Variants in ATG2A observed in about 807,000 individuals in gnomAD.
The protein encoded by ATG2A is autophagy related 2A.
In ATG2A, 103 loss-of-function variants were observed where a neutral mutation model predicts 214.2. The ratio of observed to expected loss-of-function variants is 0.48; its 90% CI spans 0.41 to 0.57. The LOEUF is 0.57. Among genes scored for constraint, ATG2A ranks in the 20% least tolerant of loss-of-function variants. The pLI is 0.00. For missense variants in ATG2A, 2,312 were observed against 2,613.2 expected, an observed-to-expected ratio of 0.88 and a Z score of 2.51; for synonymous variants, 1,160 against 1,142.1, an observed-to-expected ratio of 1.02 and a Z score of -0.32.
At chr11:64,901,182 ATT>A (rs772328100) in intron 29 of ATG2A, 90 bp from the exon 30 acceptor site, 1,658 of 1,105,930 alleles carry the variant, frequency 1.5e-3, no homozygotes, top group Non-Finnish European at 1.6e-3. Flanking sequence ...CTTCTTTTTC[ATT>A]TTTTTTTTTT....
chr11:64,896,496 A>G lies in ATG2A; in HGVS notation c.5393T>C (p.Leu1798Pro). 6.2e-7 allele frequency: 1 copy of G among 1,613,838 alleles called. No individual in the cohort carries two copies. Among genetic ancestry groups the G allele is most frequent in the Non-Finnish European group, 8.5e-7 (1 of 1,179,860 alleles). ...SFGSSTASAA[L>P]ELSNRLVQAI... ...CTGTACCAACCGGTTGCTGAGTTCC[A>G]GGGCGGCAGAGGCTGTGGATGAGCC... is the stretch of plus-strand genomic sequence containing the variant. Residue 1798 changes from leucine (L) to proline (P), a missense_variant, in exon 39 of 41, where the codon CTG becomes CCG. Physicochemically the swap from Leu to Pro is moderately conservative, Grantham distance 98. Transcript: ENST00000377264.
Position 64,905,045 on chromosome 11 carries a change from G to A in ATG2A, c.3464+518C>T, listed in dbSNP as rs1433254431. Among the ~76,000 whole-genome samples, 6 of 152,068 alleles carry A rather than the reference G, an allele frequency of 3.9e-5. No homozygotes were observed. The East Asian group carries it at 7.7e-4, about 20-fold the overall frequency. ...TCATTTTTGTATTTTTAGTAGAGAC[G>A]GGGTTTCACCATATTGGCCAGGCTG... On this transcript the variant is annotated intron_variant, in intron 24 of 40. Transcript: ENST00000377264.
rs747579646 is a variant in ATG2A at position 64,894,877 on chromosome 11, C to T, written c.*96G>A. The T allele has an allele frequency of 6.8e-7, 1 of 1,462,750 alleles. No homozygotes were observed. The highest frequency in any genetic ancestry group is 9.5e-7 in the Non-Finnish European group (1 of 1,054,066). 90.6% of individuals were successfully genotyped at this position (1,462,750 alleles called of 1,614,324 possible). A position where few individuals can be genotyped will look rare whatever the true frequency, so the allele number is the denominator to read the frequency against. The stretch of plus-strand genomic sequence containing the variant: ...AGGCGTCCTTCACAGTGGCCATCCC[C>T]TGAAGGGCCAGGCCGGGCCGGGCCC... On this transcript the variant is annotated 3_prime_UTR_variant, in exon 41 of 41. Transcript: ENST00000377264.
In ATG2A at chr11:64,916,976, G is replaced by T. The variant is rs1272734103; in HGVS notation, c.160C>A (p.Leu54Met). The change falls in exon 1 of 41, where the codon CTG becomes ATG. Residue 54 changes from leucine to methionine, a missense_variant. Leu to Met is a conservative substitution (Grantham distance 15, BLOSUM62 2). Transcript: ENST00000377264. ...GCCTGGCTCCTCACCCAGATTTCCA[G>T]GTGGATGTCTCGCAGGGCAACGCTG... is the stretch of plus-strand genomic sequence containing the variant. ...KGSVALRDIH[L>M]EIWSVNEVLE... is the part of the protein sequence containing the mutation. 6.2e-7 allele frequency: 1 copy of T among 1,613,344 alleles called. No homozygotes were observed. The highest frequency in any genetic ancestry group is 1.7e-5 in the Admixed American group (1 of 60,004).
chr11:64,905,181 A>C (rs1052335289), intron 24 of ATG2A, among the ~76,000 whole-genome samples: 4 of 152,208 alleles, frequency 2.6e-5, no homozygotes, highest in African/African-American at 4.8e-5. Context: ...GGGATTCTTC[A>C]GCTTCACCTT....
At chr11:64,915,142 C>CA (rs1170241421) in intron 1 of ATG2A, among the ~76,000 whole-genome samples, 3 of 100,436 alleles carry the variant, frequency 3.0e-5, no homozygotes, top group African/African-American at 1.2e-4. Flanking sequence ...ACCCCCCCCC[C>CA]CCACCACCAA....
Position 64,900,911 on chromosome 11 carries a change from C to T in ATG2A, c.4301G>A (p.Arg1434Gln), listed in dbSNP as rs367697148. 1.8e-5 allele frequency: 28 copies of T among 1,566,338 alleles called. No homozygotes were observed. The highest frequency in any genetic ancestry group is 1.1e-4 in the African/African-American group (8 of 73,532). Reference sequence around the variant, plus strand: ...GTGGCCGGGGTGGGGGCCAAAGTCTCGGCCCCCATAGAGGTGCCAGACGAG... The same window carrying T: ...GTGGCCGGGGTGGGGGCCAAAGTCTTGGCCCCCATAGAGGTGCCAGACGAG... ...VSLVWHLYGGRDFGPHPGHRA... is the reference protein window; with the variant it reads ...VSLVWHLYGGQDFGPHPGHRA... Residue 1434 changes from arginine to glutamine, a missense_variant, in exon 30 of 41, where the codon CGA becomes CAA. Transcript: ENST00000377264.
chr11:64,902,295 G>T lies in ATG2A; in HGVS notation c.3869C>A (p.Thr1290Asn). ...QRDLADALLD[T>N]ERSLRELAQP... ...GGCCAGCTCCCGTAGGCTGCGCTCG[G>T]TGTCCAGGAGGGCGTCGGCCAGGTC... Residue 1290 changes from threonine (T) to asparagine (N), a missense_variant, in exon 28 of 41, where the codon ACC becomes AAC. Coordinates refer to ENST00000377264, the MANE Select transcript of ATG2A (RefSeq NM_015104.3). The T allele has an allele frequency of 1.2e-6, 2 of 1,612,762 alleles. No individual in the cohort carries two copies. Among genetic ancestry groups the T allele is most frequent in the African/African-American group, 2.7e-5 (2 of 75,052 alleles).
chr11:64,912,490 G>A (rs555821439), intron 6 of ATG2A, 67 bp from the exon 7 acceptor site: 20 of 1,325,808 alleles, frequency 1.5e-5, no homozygotes, highest in African/African-American at 1.0e-4. Context: ...GCTACCACCC[G>A]CCTGCCCTCG....
chr11:64,909,051 C>T lies in ATG2A; in HGVS notation c.2304G>A (p.Glu768=). ...ELELSVESPC[E]LREPEPSPFS... is the part of the protein sequence containing the mutation. ...AGGGCGAGGGCTCAGGTTCCCGCAG[C>T]TCACAGGGACTCTCCACTGACAGCT... The change falls in exon 16 of 41, where the codon GAG becomes GAA. Residue 768 remains glutamate (E), a synonymous_variant. Transcript: ENST00000377264. 6.2e-7 allele frequency: 1 copy of T among 1,613,240 alleles called. No homozygotes were observed. The highest frequency in any genetic ancestry group is 1.1e-5 in the South Asian group (1 of 91,052).
intron 8 of ATG2A, 29 bp downstream of exon 8, chr11:64,912,056 C>T (rs1944793887): frequency 3.7e-6 from 6 of 1,612,570 alleles, no homozygotes; most frequent in Non-Finnish European, 5.1e-6. Context: ...CTAGCTGCCC[C>T]TCCAACCACG....
At chr11:64,910,576 G>T in intron 12 of ATG2A, 40 bp downstream of exon 12, 1 of 1,561,888 alleles carries the variant, frequency 6.4e-7, no homozygotes, top group South Asian at 1.2e-5. Context: ...GGGTCAACAC[G>T]CCATGGGGAC....
rs1945014571 is a variant in ATG2A at position 64,916,979 on chromosome 11, GGATGTCTCGCAGGGCAACGC to G, written c.137_156del (p.Ser46ThrfsTer93). 6.2e-7 allele frequency: 1 copy of G among 1,613,426 alleles called. No homozygotes were observed. Among genetic ancestry groups the G allele is most frequent in the Admixed American group, 1.7e-5 (1 of 59,998 alleles). ...TGGCTCCTCACCCAGATTTCCAGGT[GGATGTCTCGCAGGGCAACGC>G]TGCCCTTGTACAGATCGAGGCTGAG... On this transcript the variant is annotated frameshift_variant, in exon 1 of 41. Coordinates refer to ENST00000377264, the MANE Select transcript of ATG2A (RefSeq NM_015104.3). LOFTEE classifies it high-confidence loss of function.
In ATG2A at chr11:64,903,599, G is replaced by A. The variant is rs1227412740; in HGVS notation, c.3526C>T (p.Leu1176=). The change falls in exon 25 of 41, where the codon CTG becomes TTG. Residue 1176 remains leucine, a synonymous_variant. Transcript: ENST00000377264. The surrounding 1 kb of genome is among the most constrained non-coding windows in gnomAD (Gnocchi z 4.2). The part of the protein sequence containing the change: ...SDKCEVETLD[L]RRDYVCVLDV... ...TCCCGGCCCTGCCCACCTCGCCGCA[G>A]GTCCAGGGTCTCCACCTCACACTTG... 4 of 1,549,370 alleles carry A rather than the reference G, an allele frequency of 2.6e-6. No individual in the cohort carries two copies. The highest frequency in any genetic ancestry group is 3.5e-6 in the Non-Finnish European group (4 of 1,146,068).
rs745377388 is a variant in ATG2A, at chr11:64,902,247, AC to A, written c.3904+12del. The A allele has an allele frequency of 6.2e-7, 1 of 1,612,954 alleles. No individual in the cohort carries two copies. Among genetic ancestry groups the A allele is most frequent in the Admixed American group, 1.7e-5 (1 of 59,984 alleles). ...TGACTGTGTCTGCTGTCCCCACAGC[AC>A]CCCCACTTCACCTGAAGGCTGGGCC... On this transcript the variant is annotated intron_variant, in intron 28 of 40. Coordinates refer to ENST00000377264, the MANE Select transcript of ATG2A (RefSeq NM_015104.3).
chr11:64,915,920 T>C (rs1590665329), intron 1 of ATG2A, among the ~76,000 whole-genome samples: 1 of 151,752 alleles, frequency 6.6e-6, no homozygotes, highest in Admixed American at 6.6e-5. Context: ...CACTGGGGGG[T>C]GCCCCCAGTT....
In ATG2A at chr11:64,906,656, G is replaced by T; in HGVS notation, c.2983+9C>A. 1 of 1,613,364 alleles carries T rather than the reference G, an allele frequency of 6.2e-7. No individual in the cohort carries two copies. Among genetic ancestry groups the T allele is most frequent in the South Asian group, 1.1e-5 (1 of 91,074 alleles). On this transcript the variant is annotated intron_variant, in intron 20 of 40. Transcript: ENST00000377264. ...GACCCCAGTGGTGACCTGCCCCCAG[G>T]CCTCACACCTCGGTGGTAGAGTGTT...
At chr11:64,904,321 C>A (rs545400795) in intron 24 of ATG2A, among the ~76,000 whole-genome samples, 1 of 151,580 alleles carries the variant, frequency 6.6e-6, no homozygotes, top group Non-Finnish European at 1.5e-5. Context: ...CCAAGGCAGG[C>A]GGATCACGAG....
rs1020853176 is a variant in ATG2A at position 64,903,412 on chromosome 11, C to T, written c.3536-48G>A. The T allele has an allele frequency of 1.2e-6, 2 of 1,602,570 alleles. No homozygotes were observed. Among genetic ancestry groups the T allele is most frequent in the Non-Finnish European group, 1.7e-6 (2 of 1,170,998 alleles). ...GTCCTGTGGCCCCCTTCCACCCGGCCCCGGCCCCAGCACCTGGGGGAAGGA... is the reference window on the plus strand; with the variant it reads ...GTCCTGTGGCCCCCTTCCACCCGGCTCCGGCCCCAGCACCTGGGGGAAGGA... On this transcript the variant is annotated intron_variant, in intron 25 of 40. Transcript: ENST00000377264. This position sits in a 1 kb window ranked among gnomAD's most constrained non-coding sequence, Gnocchi z 4.2.
Sources: gnomAD v4.1 joint callset for allele counts (sites outside exome capture counted in the v4.1 genomes callset) on GRCh38, gnomAD v4.1.1 for gene constraint, Gnocchi (gnomAD v3.1) non-coding constraint, MANE v1.5 for transcripts, NCBI Gene and HGNC (gene_info 2026-07-23, HGNC 2026-07-21) for gene names.